The following UBE2J1 variants were observed in gnomAD, a reference collection of about 807,000 sequenced individuals.
UBE2J1 encodes ubiquitin conjugating enzyme E2 J1.
UBE2J1 carries 17 observed loss-of-function variants against 42.1 expected under a neutral mutation model. The observed-to-expected ratio is 0.40, with a 90% CI of 0.28 to 0.61. UBE2J1 has a LOEUF of 0.61. Ranked by LOEUF, UBE2J1 falls within the 20% of genes least tolerant of loss-of-function variation. The pLI is 0.38. For synonymous variants in UBE2J1, 127 were observed against 137.2 expected (o/e 0.93, Z 0.52); for missense variants, 291 against 389.4 (o/e 0.75, Z 2.13).
At chr6:89,346,502 C>T (rs1768368280) in intron 1 of UBE2J1, among the ~76,000 whole-genome samples, 2 of 152,172 alleles carry the variant, frequency 1.3e-5, no homozygotes, top group Non-Finnish European at 1.5e-5. Flanking sequence ...CTCCCCTCCA[C>T]TCTCAGCCTT....
chr6:89,336,246 A>C (rs902655946), intron 5 of UBE2J1, among the ~76,000 whole-genome samples: 1 of 152,118 alleles, frequency 6.6e-6, no homozygotes, highest in Non-Finnish European at 1.5e-5. Flanking sequence ...ATATCATATA[A>C]ACAAAATATA....
chr6:89,349,862 CT>C (rs1274063548), intron 1 of UBE2J1, among the ~76,000 whole-genome samples: 8 of 152,144 alleles, frequency 5.3e-5, no homozygotes, highest in Admixed American at 1.3e-4. Context: ...CAATGGCCCC[CT>C]GATGAAGAAG....
At chr6:89,336,178 CTTCTAG>C (rs1473882076) in intron 5 of UBE2J1, among the ~76,000 whole-genome samples, 3 of 152,092 alleles carry the variant, frequency 2.0e-5, no homozygotes, top group Non-Finnish European at 4.4e-5. Context: ...TTTCATAGTA[CTTCTAG>C]TTCTATTAAA....
chr6:89,342,345 T>C lies in UBE2J1; in HGVS notation c.216A>G (p.Pro72=). The C allele has an allele frequency of 6.2e-7, 1 of 1,614,102 alleles. No individual in the cohort carries two copies. ...IVLPPEYPMK[P]PSIILLTANG... ...TTACCGTTAGGAGAATAATGCTTGG[T>C]GGTTTCATGGGATACTCTGGTGGCA... Residue 72 remains proline (P), a synonymous_variant, in exon 3 of 8, where the codon CCA becomes CCG. Transcript: ENST00000435041.
intron 3 of UBE2J1, among the ~76,000 whole-genome samples, chr6:89,340,270 G>C (rs1474340429): frequency 6.6e-6 from 1 of 152,148 alleles, no homozygotes; most frequent in Admixed American, 6.5e-5. Context: ...CTGATTCTCA[G>C]CCAGTGTGGT....
In UBE2J1 at chr6:89,343,768, T is replaced by C. The variant is rs1768305702; in HGVS notation, c.32-12A>G. The C allele has an allele frequency of 1.3e-6, 2 of 1,587,118 alleles. No homozygotes were observed. The highest frequency in any genetic ancestry group is 1.3e-5 in the African/African-American group (1 of 74,082). ...TAAACGTTTAACAGCTAAAATAAAA[T>C]TCATAAAATAGAGATATTTAAAATA... On this transcript the variant is annotated splice_polypyrimidine_tract_variant and intron_variant, in intron 1 of 7. Coordinates refer to ENST00000435041, the MANE Select transcript of UBE2J1 (RefSeq NM_016021.3).
At position 89,336,131 on chromosome 6, in the gene UBE2J1, A is replaced by G. The variant is rs866872801; in HGVS notation, c.429-700T>C. ...AACATGCATCATATATAAAACATAT[A>G]TTGTTACACTGTTAAACTTCCTTCT... On this transcript the variant is annotated intron_variant, in intron 5 of 7. Transcript: ENST00000435041. 4.4e-4 allele frequency among the ~76,000 whole-genome samples: 67 copies of G among 152,242 alleles called. 1 individual carries two copies. Among genetic ancestry groups the G allele is most frequent in the Non-Finnish European group, 2.4e-4 (16 of 68,038 alleles).
chr6:89,333,038 G>A (rs754855702), intron 7 of UBE2J1, 48 bp downstream of exon 7: 9 of 1,478,924 alleles, frequency 6.1e-6, no homozygotes, highest in South Asian at 4.4e-5. Flanking sequence ...ATTGCAAACA[G>A]TGATAATGAT....
rs1359089580 is a variant in UBE2J1, at chr6:89,352,578, G to C, written c.-9C>G. The C allele has an allele frequency of 6.4e-7, 1 of 1,563,630 alleles. No individual in the cohort carries two copies. The highest frequency in any genetic ancestry group is 8.6e-7 in the Non-Finnish European group (1 of 1,162,224). The stretch of plus-strand genomic sequence containing the variant: ...TTGTAGCGGGTCTCCATGGTGGGTC[G>C]CTGGCTTGGCTCCGGCCTCCCGGGC... On this transcript the variant is annotated 5_prime_UTR_variant, in exon 1 of 8. Coordinates refer to ENST00000435041, the MANE Select transcript of UBE2J1 (RefSeq NM_016021.3).
In UBE2J1 at chr6:89,333,094, TG is replaced by T. The variant is rs1360231675; in HGVS notation, c.669del (p.Ser224ValfsTer21). ...DIPTTFQGATASTSYGLQNSS... is the reference protein window; with the variant it reads ...DIPTTFQGATXSTSYGLQNSS... Reference sequence around the variant, plus strand: ...AAAGATAAGAGCCATACCGATGTACTGGCCGTAGCACCCTGGAATGTTGTAG... The same window carrying T: ...AAAGATAAGAGCCATACCGATGTACTGCCGTAGCACCCTGGAATGTTGTAG... On this transcript the variant is annotated frameshift_variant, in exon 7 of 8. Coordinates refer to ENST00000435041, the MANE Select transcript of UBE2J1 (RefSeq NM_016021.3). LOFTEE classifies it high-confidence loss of function. 1.2e-6 allele frequency: 2 copies of T among 1,609,528 alleles called. No individual in the cohort carries two copies. The highest frequency in any genetic ancestry group is 3.4e-5 in the Admixed American group (2 of 59,268).
intron 1 of UBE2J1, among the ~76,000 whole-genome samples, chr6:89,345,428 C>G (rs993780080): frequency 3.3e-5 from 5 of 151,700 alleles, no homozygotes; most frequent in African/African-American, 1.2e-4. Context: ...ATGGTGAAAC[C>G]CTGTCTCTAC....
chr6:89,330,536 A>C (rs1419103503), intron 7 of UBE2J1, among the ~76,000 whole-genome samples: 1 of 152,138 alleles, frequency 6.6e-6, no homozygotes, highest in African/African-American at 2.4e-5. Flanking sequence ...TATTTAAAAC[A>C]ATCATACAGC....
intron 1 of UBE2J1, among the ~76,000 whole-genome samples, chr6:89,348,413 C>T (rs567707437): frequency 2.2e-4 from 34 of 152,336 alleles, no homozygotes; most frequent in Admixed American, 1.2e-3. Context: ...CAGGCCACTG[C>T]TTCCCATATA....
Position 89,352,474 on chromosome 6 carries a change from C to G in UBE2J1, c.31+65G>C. 4.0e-6 allele frequency: 6 copies of G among 1,488,404 alleles called. No homozygotes were observed. In the African/African-American group the frequency reaches 4.3e-5, roughly 11 times the overall value. The allele number at this position is 1,488,404 out of a possible 1,614,324, so 92.2% of individuals were successfully genotyped here. A position where few individuals can be genotyped will look rare whatever the true frequency, so the allele number is the denominator to read the frequency against. On this transcript the variant is annotated intron_variant, in intron 1 of 7. Transcript: ENST00000435041. ...GGCGCCAGACGCGAGGGGACCGAGG[C>G]GGCGACCACCCCGGGGTCCAGGGTC...
At position 89,338,560 on chromosome 6, in the gene UBE2J1, GC is replaced by G; in HGVS notation, c.238-18del. On this transcript the variant is annotated intron_variant, in intron 3 of 7. Transcript: ENST00000435041. ...ACCATTAGCCTGAGGAATAAACAAT[GC>G]ATTTAGAAAATTAAATACATGTGCT... The G allele has an allele frequency of 6.7e-7, 1 of 1,486,050 alleles. No homozygotes were observed. The highest frequency in any genetic ancestry group is 9.0e-7 in the Non-Finnish European group (1 of 1,113,398). 92.1% of individuals were successfully genotyped at this position (1,486,050 alleles called of 1,614,324 possible). A position where few individuals can be genotyped will look rare whatever the true frequency, so the allele number is the denominator to read the frequency against.
At chr6:89,341,868 C>T (rs1315568534) in intron 3 of UBE2J1, among the ~76,000 whole-genome samples, 2 of 152,052 alleles carry the variant, frequency 1.3e-5, no homozygotes, top group Non-Finnish European at 1.5e-5. Context: ...AAGAGCTATA[C>T]AATAAGATCT....
chr6:89,340,015 C>T, intron 3 of UBE2J1, among the ~76,000 whole-genome samples: 1 of 130,664 alleles, frequency 7.7e-6, no homozygotes, highest in East Asian at 2.3e-4. Flanking sequence ...GACCCTATCT[C>T]AAGTTAAAAA....
intron 3 of UBE2J1, among the ~76,000 whole-genome samples, chr6:89,341,763 A>T (rs1258101875): frequency 1.2e-4 from 19 of 152,138 alleles, no homozygotes; most frequent in Non-Finnish European, 1.0e-4. Context: ...TGAAGAAAAG[A>T]TGTGTAAATT....
At chr6:89,337,318 A>C (rs1768129477) in intron 5 of UBE2J1, among the ~76,000 whole-genome samples, 1 of 151,950 alleles carries the variant, frequency 6.6e-6, no homozygotes, top group Non-Finnish European at 1.5e-5. Flanking sequence ...GAAAACAAAT[A>C]CTATGTATTC....
Sources: gnomAD v4.1 joint callset for allele counts (sites outside exome capture counted in the v4.1 genomes callset) on GRCh38, gnomAD v4.1.1 for gene constraint, MANE v1.5 for transcripts, NCBI Gene and HGNC (gene_info 2026-07-23, HGNC 2026-07-21) for gene names.